SYCP2L: variants seen among roughly 807,000 people sequenced by gnomAD.
SYCP2L encodes synaptonemal complex protein 2 like.
Under a neutral mutation model 125.8 loss-of-function variants are expected in SYCP2L, and 98 were observed. That is an observed-to-expected ratio of 0.78 (90% CI 0.66 to 0.92). The LOEUF (loss-of-function observed/expected upper bound fraction) is 0.92, where lower values mean the gene tolerates loss of function less well. Ranked by LOEUF, SYCP2L falls within the 40% of genes least tolerant of loss-of-function variation. The pLI, the probability that SYCP2L is intolerant of heterozygous loss-of-function variation, is 0.00. For synonymous variants in SYCP2L, 317 were observed against 325.4 expected (o/e 0.97, Z 0.28); for missense variants, 842 against 936.4 (o/e 0.90, Z 1.32).
Position 10,963,558 on chromosome 6 carries a change from T to G in SYCP2L, c.2415-224T>G, listed in dbSNP as rs554467056. On this transcript the variant is annotated intron_variant, in intron 28 of 29. Coordinates refer to ENST00000283141, the MANE Select transcript of SYCP2L (RefSeq NM_001040274.3). ...GCTTTGATGGTGCCCATGAAATACC[T>G]CTGCATATGTTGTGGGTCTGTGGTA... is the stretch of plus-strand genomic sequence containing the variant. Among the ~76,000 whole-genome samples, 21 of 152,336 alleles carry G rather than the reference T, an allele frequency of 1.4e-4. No homozygotes were observed. In the South Asian group the frequency reaches 4.1e-3, roughly 30 times the overall value.
intron 18 of SYCP2L, among the ~76,000 whole-genome samples, chr6:10,929,677 G>T (rs886921530): frequency 6.6e-6 from 1 of 152,086 alleles, no homozygotes; most frequent in Non-Finnish European, 1.5e-5. Flanking sequence ...GCTCACACCC[G>T]TAATCCCAGC....
intron 2 of SYCP2L, 76 bp downstream of exon 2, chr6:10,891,657 GTGTGTGTATGTGTATA>G: frequency 6.6e-6 from 5 of 758,388 alleles, no homozygotes; most frequent in Non-Finnish European, 1.0e-5. Flanking sequence ...GTGTGTGTGT[GTGTGTGTATGTGTATA>G]TGAGTGTATG....
Position 10,974,225 on chromosome 6 carries a change from T to TA in SYCP2L, c.*312dup, listed in dbSNP as rs397819846. The TA allele has an allele frequency of 2.0e-5, 3 of 152,158 alleles. No homozygotes were observed. The East Asian group carries it at 5.8e-4, about 29-fold the overall frequency. The allele number at this position is 152,158 out of a possible 1,614,324, so 9.4% of individuals were successfully genotyped here. A position where few individuals can be genotyped will look rare whatever the true frequency, so the allele number is the denominator to read the frequency against. ...ACTTGGAGTGGTGTTGCTTTTTTTT[T>TA]ATAAAAGTAAAATGGACTTTTTTTT... On this transcript the variant is annotated 3_prime_UTR_variant, in exon 30 of 30. Transcript: ENST00000283141.
chr6:10,893,763 A>G lies in SYCP2L; in HGVS notation c.79-104A>G. ...GATCTCCATTCTATATTTACCCTAT[A>G]TTATTTCACACTGAATTCTTATTGA... On this transcript the variant is annotated intron_variant, in intron 2 of 29. Coordinates refer to ENST00000283141, the MANE Select transcript of SYCP2L (RefSeq NM_001040274.3). 2.4e-6 allele frequency: 3 copies of G among 1,224,838 alleles called. No homozygotes were observed. The South Asian group carries it at 4.2e-5, about 17-fold the overall frequency. The allele number at this position is 1,224,838 out of a possible 1,614,324, so 75.9% of individuals were successfully genotyped here. A position where few individuals can be genotyped will look rare whatever the true frequency, so the allele number is the denominator to read the frequency against.
At chr6:10,926,293 TTA>T in intron 15 of SYCP2L, 44 bp from the exon 16 acceptor site, 5 of 1,437,174 alleles carry the variant, frequency 3.5e-6, no homozygotes, top group Non-Finnish European at 4.8e-6. Context: ...TTTTTTTTTT[TTA>T]AAGATGACTA....
At chr6:10,914,415 T>C (rs1410789566) in intron 14 of SYCP2L, among the ~76,000 whole-genome samples, 1 of 152,208 alleles carries the variant, frequency 6.6e-6, no homozygotes, top group Non-Finnish European at 1.5e-5. Context: ...GGCCTTGTAG[T>C]ATAGTTTGAA....
At chr6:10,949,598 G>C (rs1247749444) in intron 23 of SYCP2L, among the ~76,000 whole-genome samples, 2 of 151,818 alleles carry the variant, frequency 1.3e-5, no homozygotes, top group Admixed American at 6.6e-5. Flanking sequence ...TATTTTATAT[G>C]TTTTGAGGCA....
chr6:10,908,853 G>A (rs1780554530), intron 10 of SYCP2L, among the ~76,000 whole-genome samples: 1 of 152,178 alleles, frequency 6.6e-6, no homozygotes, highest in South Asian at 2.1e-4. Flanking sequence ...CAATTTATGG[G>A]ATGTATGCAT....
At chr6:10,888,245 C>T (rs998755233) in intron 1 of SYCP2L, among the ~76,000 whole-genome samples, 6 of 151,596 alleles carry the variant, frequency 4.0e-5, no homozygotes, top group Non-Finnish European at 2.9e-5. Context: ...TACAGGCGCG[C>T]GCCACCACGC....
chr6:10,898,497 A>T (rs1400095344), intron 5 of SYCP2L, among the ~76,000 whole-genome samples: 7 of 151,814 alleles, frequency 4.6e-5, no homozygotes, highest in Non-Finnish European at 8.8e-5. Context: ...CCTGGGAAAC[A>T]AGAGTGAAAC....
intron 9 of SYCP2L, among the ~76,000 whole-genome samples, chr6:10,906,423 T>C (rs1401668985): frequency 1.3e-5 from 2 of 152,176 alleles, no homozygotes; most frequent in Non-Finnish European, 2.9e-5. Context: ...CTACTTTTAC[T>C]CTGTACATCC....
intron 21 of SYCP2L, among the ~76,000 whole-genome samples, chr6:10,939,780 G>C (rs1404557012): frequency 1.3e-5 from 2 of 152,176 alleles, no homozygotes; most frequent in African/African-American, 4.8e-5. Context: ...TAGGGAAACA[G>C]CTCTTTGACA....
chr6:10,955,931 C>T (rs1781496282), intron 24 of SYCP2L, among the ~76,000 whole-genome samples: 2 of 152,184 alleles, frequency 1.3e-5, no homozygotes, highest in Admixed American at 6.5e-5. Flanking sequence ...GACAAAATGT[C>T]AGTTGCCCCG....
chr6:10,921,421 G>A (rs1780798761), intron 14 of SYCP2L, among the ~76,000 whole-genome samples: 1 of 152,078 alleles, frequency 6.6e-6, no homozygotes, highest in South Asian at 2.1e-4. Context: ...GGGTCAAATG[G>A]TATTTCTTTC....
At chr6:10,939,769 A>G (rs752002867) in intron 21 of SYCP2L, among the ~76,000 whole-genome samples, 14 of 152,360 alleles carry the variant, frequency 9.2e-5, no homozygotes, top group South Asian at 2.1e-4. Flanking sequence ...CAAGACAAAA[A>G]TAGGGAAACA....
intron 23 of SYCP2L, among the ~76,000 whole-genome samples, chr6:10,945,445 T>C (rs1272226316): frequency 6.6e-6 from 1 of 152,104 alleles, no homozygotes; most frequent in Non-Finnish European, 1.5e-5. Context: ...TTCTGTTCAA[T>C]TTTTGCTCCC....
chr6:10,890,345 T>C (rs1780152475), intron 1 of SYCP2L, among the ~76,000 whole-genome samples: 1 of 152,216 alleles, frequency 6.6e-6, no homozygotes, highest in Admixed American at 6.5e-5. Context: ...TCTTTTTCCA[T>C]ATCCTTGCCA....
intron 29 of SYCP2L, among the ~76,000 whole-genome samples, chr6:10,973,586 A>G (rs146209248): frequency 5.1e-4 from 77 of 152,290 alleles, no homozygotes; most frequent in African/African-American, 1.8e-3. Context: ...AACAACATGT[A>G]GTTTTCCTAG....
chr6:10,887,501 A>G (rs758438319), intron 1 of SYCP2L, among the ~76,000 whole-genome samples: 9 of 152,312 alleles, frequency 5.9e-5, no homozygotes, highest in Non-Finnish European at 1.2e-4. Flanking sequence ...AGCAACCCCA[A>G]GTGCTGGGAC....
Sources: gnomAD v4.1 joint callset for allele counts (sites outside exome capture counted in the v4.1 genomes callset) on GRCh38, gnomAD v4.1.1 for gene constraint, MANE v1.5 for transcripts, NCBI Gene and HGNC (gene_info 2026-07-23, HGNC 2026-07-21) for gene names.